ABLIM3: variants seen among roughly 807,000 people sequenced by gnomAD.
ABLIM3 encodes actin binding LIM protein family member 3.
ABLIM3 carries 61 observed loss-of-function variants against 109.5 expected under a neutral mutation model. The ratio of observed to expected loss-of-function variants is 0.56; its 90% CI spans 0.45 to 0.69. The LOEUF (loss-of-function observed/expected upper bound fraction) is 0.69. ABLIM3 is among the 30% of genes least tolerant of loss of function. The pLI is 0.00. For missense variants in ABLIM3, 796 were observed against 889.5 expected, an observed-to-expected ratio of 0.89 and a Z score of 1.34; for synonymous variants, 300 against 324.8, an observed-to-expected ratio of 0.92 and a Z score of 0.82.
At chr5:149,246,238 C>G (rs1192822821) in intron 16 of ABLIM3, among the ~76,000 whole-genome samples, 1 of 152,080 alleles carries the variant, frequency 6.6e-6, no homozygotes, top group Non-Finnish European at 1.5e-5. Context: ...GAAGGTAAGA[C>G]ACAAATACGA....
At chr5:149,179,919 G>A (rs1756314241) in intron 2 of ABLIM3, among the ~76,000 whole-genome samples, 1 of 152,210 alleles carries the variant, frequency 6.6e-6, no homozygotes, top group Non-Finnish European at 1.5e-5. Flanking sequence ...ACGTTCTAGT[G>A]GATAGCACTA....
At chr5:149,164,948 T>G (rs1754691242) in intron 2 of ABLIM3, among the ~76,000 whole-genome samples, 1 of 152,242 alleles carries the variant, frequency 6.6e-6, no homozygotes, top group Non-Finnish European at 1.5e-5. Context: ...ACTGGCTCAC[T>G]GTGAATCGAG....
chr5:149,165,785 G>A (rs1018807574), intron 2 of ABLIM3, among the ~76,000 whole-genome samples: 5 of 152,084 alleles, frequency 3.3e-5, no homozygotes, highest in African/African-American at 1.2e-4. Flanking sequence ...TCCTCTAAGT[G>A]CAGATCTTTC....
chr5:149,177,213 C>T (rs1756018491), intron 2 of ABLIM3: 1 of 152,236 alleles, frequency 6.6e-6, no homozygotes, highest in Admixed American at 6.5e-5. Flanking sequence ...TACGAATAGC[C>T]TCCCAGGCCC....
intron 2 of ABLIM3, among the ~76,000 whole-genome samples, chr5:149,149,584 T>G (rs992416269): frequency 6.6e-6 from 1 of 152,214 alleles, no homozygotes; most frequent in Non-Finnish European, 1.5e-5. Flanking sequence ...AGGATCCCAA[T>G]TGTCCTAGTT....
chr5:149,164,971 A>G (rs1318869569), intron 2 of ABLIM3, among the ~76,000 whole-genome samples: 1 of 152,204 alleles, frequency 6.6e-6, no homozygotes. Flanking sequence ...TTCCATCAAC[A>G]TATGCTCAGT....
chr5:149,193,429 T>C (rs1163845121), intron 3 of ABLIM3, among the ~76,000 whole-genome samples: 2 of 151,982 alleles, frequency 1.3e-5, no homozygotes, highest in Admixed American at 1.3e-4. Context: ...AATTATAAAA[T>C]TGTTAAATTT....
intron 3 of ABLIM3, among the ~76,000 whole-genome samples, chr5:149,192,122 G>T (rs912899510): frequency 6.6e-6 from 1 of 152,034 alleles, no homozygotes; most frequent in African/African-American, 2.4e-5. Context: ...CAAGATAGAG[G>T]TGCTCACTGT....
intron 2 of ABLIM3, among the ~76,000 whole-genome samples, chr5:149,163,219 A>C (rs1465139606): frequency 6.6e-6 from 1 of 152,134 alleles, no homozygotes; most frequent in Non-Finnish European, 1.5e-5. Flanking sequence ...CTGTGTGTAG[A>C]ATGAGTGAGG....
intron 8 of ABLIM3, among the ~76,000 whole-genome samples, chr5:149,223,771 A>T (rs753563236): frequency 6.6e-6 from 1 of 152,198 alleles, no homozygotes; most frequent in Non-Finnish European, 1.5e-5. Context: ...CACTCAGGCC[A>T]GGGTGGGGAG....
At chr5:149,231,965 G>A (rs2400829) in intron 9 of ABLIM3, among the ~76,000 whole-genome samples, 61,540 of 152,060 alleles carry the variant, frequency 0.4, 12,820 homozygotes, top group East Asian at 0.59. Context: ...AAGAATAAAT[G>A]TTTAAAATCC....
chr5:149,199,035 T>C lies in ABLIM3; in HGVS notation c.335+633T>C, dbSNP rs763157769. The C allele has an allele frequency of 3.7e-5, 17 of 456,608 alleles. 1 individual carries two copies. In the Middle Eastern group the frequency reaches 3.6e-3, roughly 96 times the overall value. The allele number at this position is 456,608 out of a possible 1,614,324, so 28.3% of individuals were successfully genotyped here. A position where few individuals can be genotyped will look rare whatever the true frequency, so the allele number is the denominator to read the frequency against. ...ATTATCATGATGATAGTCATCTATC[T>C]TCTCTCAGGACATCTCCAGGGATGG... On this transcript the variant is annotated intron_variant, in intron 4 of 23. Transcript: ENST00000309868.
chr5:149,163,579 G>T (rs539082697), intron 2 of ABLIM3, among the ~76,000 whole-genome samples: 1 of 152,054 alleles, frequency 6.6e-6, no homozygotes, highest in Admixed American at 6.6e-5. Flanking sequence ...GTGAGTTCCC[G>T]TGGCTGTCCC....
chr5:149,250,313 G>A, intron 19 of ABLIM3, 134 bp from the exon 20 acceptor site: 1 of 784,314 alleles, frequency 1.3e-6, no homozygotes, highest in Non-Finnish European at 2.1e-6. Context: ...GCATCAGGAA[G>A]AGTTGGTGGC....
Position 149,141,772 on chromosome 5 carries a change from C to A in ABLIM3, c.-88+118C>A, listed in dbSNP as rs115496718. On this transcript the variant is annotated intron_variant, in intron 1 of 23. Coordinates refer to ENST00000309868, the MANE Select transcript of ABLIM3 (RefSeq NM_014945.5). Reference sequence around the variant, plus strand: ...CCGGAGCCGCTGGGCAGGAATAGTCCGGGGTGCGCGCGAGCAGGCGCTGCC... The same window carrying A: ...CCGGAGCCGCTGGGCAGGAATAGTCAGGGGTGCGCGCGAGCAGGCGCTGCC... 5.0e-3 allele frequency: 2,062 copies of A among 416,192 alleles called. 33 individuals are homozygous for A. Among genetic ancestry groups the A allele is most frequent in the African/African-American group, 0.038 (1,848 of 49,208 alleles). 25.8% of individuals were successfully genotyped at this position (416,192 alleles called of 1,614,324 possible).
rs1752708320 is a variant in ABLIM3, at chr5:149,240,559, C to T, written c.1205-117C>T. ...GGAACCTGAGCACGCTGAGACGCCC[C>T]AGCCCATCCCCCATCTCTGCTGTCA... On this transcript the variant is annotated intron_variant, in intron 13 of 23. Transcript: ENST00000309868. 3 of 798,270 alleles carry T rather than the reference C, an allele frequency of 3.8e-6. 1 individual carries two copies. Among genetic ancestry groups the T allele is most frequent in the Non-Finnish European group, 6.4e-6 (3 of 466,324 alleles). The allele number at this position is 798,270 out of a possible 1,614,324, so 49.4% of individuals were successfully genotyped here. A position where few individuals can be genotyped will look rare whatever the true frequency, so the allele number is the denominator to read the frequency against.
At chr5:149,216,706 C>T in intron 7 of ABLIM3, 1 of 461,766 alleles carries the variant, frequency 2.2e-6, no homozygotes, top group Non-Finnish European at 3.9e-6. Context: ...AAGTGTCCTT[C>T]CCAGTGTCAG....
chr5:149,233,599 C>A (rs1263814113), intron 10 of ABLIM3, among the ~76,000 whole-genome samples: 2 of 152,102 alleles, frequency 1.3e-5, no homozygotes, highest in Non-Finnish European at 2.9e-5. Context: ...GTTCTAAAAC[C>A]AATGCAAGGT....
At chr5:149,221,370 G>C (rs1431368382) in intron 8 of ABLIM3, among the ~76,000 whole-genome samples, 1 of 152,220 alleles carries the variant, frequency 6.6e-6, no homozygotes, top group Non-Finnish European at 1.5e-5. Flanking sequence ...TGGGATGCCT[G>C]CAAAGCTTAC....
Sources: allele counts gnomAD v4.1 joint callset (sites outside exome capture counted in the v4.1 genomes callset), GRCh38; gene constraint gnomAD v4.1.1; transcripts MANE v1.5; gene names NCBI Gene and HGNC (gene_info 2026-07-23, HGNC 2026-07-21).